The following DKK2 variants were observed in gnomAD, a reference collection of about 807,000 sequenced individuals.
DKK2 encodes the protein dickkopf Wnt signaling pathway inhibitor 2, also known as dickkopf-related protein 2.
A neutral mutation model predicts 28.1 loss-of-function variants in DKK2; 11 were observed. The observed-to-expected ratio is 0.39, with a 90% CI of 0.25 to 0.65. DKK2 has a LOEUF of 0.65. Ranked by LOEUF, DKK2 falls within the 30% of genes least tolerant of loss-of-function variation. DKK2 has a pLI of 0.47. For synonymous variants in DKK2, 135 were observed against 126.5 expected (o/e 1.07, Z -0.45); for missense variants, 326 against 335.5 (o/e 0.97, Z 0.22).
At position 106,955,322 on chromosome 4, in the gene DKK2, A is replaced by G. The variant is rs1264982150; in HGVS notation, c.223-29373T>C. 2.0e-5 allele frequency among the ~76,000 whole-genome samples: 3 copies of G among 152,288 alleles called. No homozygotes were observed. In the East Asian group the frequency reaches 5.8e-4, roughly 29 times the overall value. Reference sequence around the variant, plus strand: ...CCTTCTTTAGAAGTTGGAAAGGTAAAGCATCTTTACAGCTAACAATTTCTG... The same window carrying G: ...CCTTCTTTAGAAGTTGGAAAGGTAAGGCATCTTTACAGCTAACAATTTCTG... On this transcript the variant is annotated intron_variant, in intron 1 of 3. Coordinates refer to ENST00000285311, the MANE Select transcript of DKK2 (RefSeq NM_014421.3).
At chr4:107,017,107 C>A (rs900876016) in intron 1 of DKK2, among the ~76,000 whole-genome samples, 2 of 151,882 alleles carry the variant, frequency 1.3e-5, no homozygotes, top group African/African-American at 2.4e-5. Flanking sequence ...TCTGAGTAAA[C>A]CTATGTTGTT....
At chr4:106,930,490 C>A (rs1236339820) in intron 1 of DKK2, among the ~76,000 whole-genome samples, 1 of 152,248 alleles carries the variant, frequency 6.6e-6, no homozygotes, top group African/African-American at 2.4e-5. Flanking sequence ...ATTGAATAAA[C>A]CTTTGACTAC....
At chr4:107,007,325 A>G (rs895019709) in intron 1 of DKK2, among the ~76,000 whole-genome samples, 2 of 152,134 alleles carry the variant, frequency 1.3e-5, no homozygotes, top group African/African-American at 4.8e-5. Context: ...CTTTATCATT[A>G]TGGTTTAAGC....
chr4:106,922,572 T>C lies in DKK2; in HGVS notation c.*1382A>G, dbSNP rs1724361674. 6.6e-6 allele frequency: 1 copy of C among 152,092 alleles called. No homozygotes were observed. The highest frequency in any genetic ancestry group is 1.5e-5 in the Non-Finnish European group (1 of 68,024). The allele number at this position is 152,092 out of a possible 1,614,324, so 9.4% of individuals were successfully genotyped here. On this transcript the variant is annotated 3_prime_UTR_variant, in exon 4 of 4. Coordinates refer to ENST00000285311, the MANE Select transcript of DKK2 (RefSeq NM_014421.3). ...ATGCTGCAGAGGTTTGGGAAGAAAA[T>C]TGGATGATGCCATTGGCTAGTCAGA...
intron 1 of DKK2, among the ~76,000 whole-genome samples, chr4:106,992,182 C>T (rs1723215044): frequency 1.3e-5 from 2 of 152,104 alleles, no homozygotes; most frequent in African/African-American, 4.8e-5. Context: ...CTGCCCTAAG[C>T]CCCGGAGTCA....
At chr4:106,958,685 A>G (rs1211510563) in intron 1 of DKK2, among the ~76,000 whole-genome samples, 12 of 151,876 alleles carry the variant, frequency 7.9e-5, no homozygotes, top group Admixed American at 7.9e-4. Flanking sequence ...AAAATGCAAA[A>G]AATTAGCCGG....
At chr4:106,978,616 G>A (rs1247226719) in intron 1 of DKK2, among the ~76,000 whole-genome samples, 1 of 152,072 alleles carries the variant, frequency 6.6e-6, no homozygotes, top group Non-Finnish European at 1.5e-5. Flanking sequence ...ATACCAGGTC[G>A]ACTTCAGACT....
chr4:106,978,797 G>A (rs1245753049), intron 1 of DKK2, among the ~76,000 whole-genome samples: 16 of 150,268 alleles, frequency 1.1e-4, no homozygotes, highest in East Asian at 8.1e-4. Context: ...TGATAAAAAA[G>A]AAAAAGAAAA....
chr4:107,005,537 ATG>A (rs1231198349), intron 1 of DKK2, among the ~76,000 whole-genome samples: 1 of 151,820 alleles, frequency 6.6e-6, no homozygotes, highest in Non-Finnish European at 1.5e-5. Flanking sequence ...CCCCAAATAA[ATG>A]TGGATATTCT....
At chr4:107,003,148 G>A (rs781051657) in intron 1 of DKK2, among the ~76,000 whole-genome samples, 30 of 152,188 alleles carry the variant, frequency 2.0e-4, no homozygotes, top group Admixed American at 7.2e-4. Context: ...TTAGTTTTTC[G>A]TGGTTTACTG....
chr4:107,004,411 T>G lies in DKK2; in HGVS notation c.222+30959A>C, dbSNP rs187193341. Among the ~76,000 whole-genome samples, 333 of 152,318 alleles carry G rather than the reference T, an allele frequency of 2.2e-3. 3 individuals carry two copies. The highest frequency in any genetic ancestry group is 7.3e-3 in the African/African-American group (302 of 41,568). ...CACAATAATGTCTTCCTAAGAAATGTTCGAGGATGACTTAGACCAAAGCTC... is the reference window on the plus strand; with the variant it reads ...CACAATAATGTCTTCCTAAGAAATGGTCGAGGATGACTTAGACCAAAGCTC... On this transcript the variant is annotated intron_variant, in intron 1 of 3. Coordinates refer to ENST00000285311, the MANE Select transcript of DKK2 (RefSeq NM_014421.3).
chr4:107,026,540 C>T (rs1723783076), intron 1 of DKK2, among the ~76,000 whole-genome samples: 1 of 151,952 alleles, frequency 6.6e-6, no homozygotes, highest in South Asian at 2.1e-4. Flanking sequence ...TATTTAAACT[C>T]CAAATATTAA....
intron 1 of DKK2, among the ~76,000 whole-genome samples, chr4:106,972,784 G>A (rs1041354857): frequency 6.6e-6 from 1 of 151,982 alleles, no homozygotes; most frequent in Non-Finnish European, 1.5e-5. Flanking sequence ...TACATTTGCA[G>A]AATGTGCAGG....
Position 106,924,389 on chromosome 4 carries a change from GT to G in DKK2, c.529+155del, listed in dbSNP as rs759867560. On this transcript the variant is annotated intron_variant, in intron 3 of 3. Coordinates refer to ENST00000285311, the MANE Select transcript of DKK2 (RefSeq NM_014421.3). ...TTATCACATAAATCTATTATGGTCT[GT>G]TTCCATTATTTGCCACCTAAATAAC... 58 of 1,249,172 alleles carry G rather than the reference GT, an allele frequency of 4.6e-5. 1 individual carries two copies. The South Asian group carries it at 5.0e-4, about 11-fold the overall frequency. The allele number at this position is 1,249,172 out of a possible 1,614,324, so 77.4% of individuals were successfully genotyped here.
At chr4:106,936,554 C>T (rs547656036) in intron 1 of DKK2, among the ~76,000 whole-genome samples, 72 of 152,254 alleles carry the variant, frequency 4.7e-4, no homozygotes, top group African/African-American at 1.7e-3. Flanking sequence ...AGGATATTAT[C>T]CAGGAGAACT....
chr4:106,965,484 C>G lies in DKK2; in HGVS notation c.223-39535G>C. Among the ~76,000 whole-genome samples the G allele has an allele frequency of 1.3e-5, 2 of 152,026 alleles. 1 individual carries two copies. The highest frequency in any genetic ancestry group is 3.8e-4 in the East Asian group (2 of 5,200). On this transcript the variant is annotated intron_variant, in intron 1 of 3. Coordinates refer to ENST00000285311, the MANE Select transcript of DKK2 (RefSeq NM_014421.3). Reference sequence around the variant, plus strand: ...CACCAAAAATAAAATTTTATATAACCTCCCTTGTTTTTTATATTTATATAA... The same window carrying G: ...CACCAAAAATAAAATTTTATATAACGTCCCTTGTTTTTTATATTTATATAA...
At chr4:106,983,472 C>T (rs1489988540) in intron 1 of DKK2, among the ~76,000 whole-genome samples, 1 of 151,996 alleles carries the variant, frequency 6.6e-6, no homozygotes, top group Non-Finnish European at 1.5e-5. Flanking sequence ...CACAGACTTA[C>T]ATGTAACATG....
At chr4:106,954,764 G>C (rs1447991660) in intron 1 of DKK2, among the ~76,000 whole-genome samples, 2 of 152,074 alleles carry the variant, frequency 1.3e-5, no homozygotes, top group Non-Finnish European at 2.9e-5. Flanking sequence ...CTCGTGATCT[G>C]CCTGCCTCGC....
chr4:106,942,451 T>G (rs1202995665), intron 1 of DKK2, among the ~76,000 whole-genome samples: 1 of 152,168 alleles, frequency 6.6e-6, no homozygotes, highest in Non-Finnish European at 1.5e-5. Context: ...CTTCTTTTGT[T>G]GGCCCTTATT....
Sources: gnomAD v4.1 joint callset for allele counts (sites outside exome capture counted in the v4.1 genomes callset) on GRCh38, gnomAD v4.1.1 for gene constraint, MANE v1.5 for transcripts, NCBI Gene and HGNC (gene_info 2026-07-23, HGNC 2026-07-21) for gene names.